Variants in ADAM10 observed in about 807,000 individuals in gnomAD.
ADAM10 encodes the protein ADAM metallopeptidase domain 10.
ADAM10 carries 17 observed loss-of-function variants against 90.1 expected under a neutral mutation model. The ratio of observed to expected loss-of-function variants is 0.19; its 90% CI spans 0.13 to 0.28. The LOEUF is 0.28. ADAM10 is among the 10% of genes least tolerant of loss of function. The pLI is 1.00. For synonymous variants in ADAM10, 310 were observed against 298.6 expected (o/e 1.04, Z -0.40); for missense variants, 610 against 914.3 (o/e 0.67, Z 4.29).
chr15:58,685,676 A>C (rs1209083866), intron 2 of ADAM10, among the ~76,000 whole-genome samples: 4 of 151,212 alleles, frequency 2.6e-5, no homozygotes, highest in African/African-American at 9.7e-5. Context: ...ACAGATACAC[A>C]ATAAACTAGT....
intron 11 of ADAM10, among the ~76,000 whole-genome samples, chr15:58,616,162 T>G (rs1895608420): frequency 6.6e-6 from 1 of 152,084 alleles, no homozygotes. Context: ...AAGAGAGAGA[T>G]CAACTCCAAT....
At chr15:58,603,307 C>T (rs12591291) in intron 14 of ADAM10, among the ~76,000 whole-genome samples, 35,572 of 151,934 alleles carry the variant, frequency 0.23, 5,072 homozygotes, top group East Asian at 0.4. Flanking sequence ...AAGCAGTACA[C>T]GACCATTTTG....
intron 14 of ADAM10, among the ~76,000 whole-genome samples, chr15:58,604,689 T>C (rs1468916814): frequency 3.9e-5 from 6 of 152,186 alleles, no homozygotes; most frequent in African/African-American, 9.7e-5. Context: ...ACAACAGAGA[T>C]AGGACAGTAA....
intron 1 of ADAM10, among the ~76,000 whole-genome samples, chr15:58,719,008 T>C (rs1898756307): frequency 6.6e-6 from 1 of 152,212 alleles, no homozygotes; most frequent in East Asian, 1.9e-4. Flanking sequence ...GGTCCTTCAC[T>C]ACCTGATGAC....
chr15:58,663,598 G>T (rs1312811002), intron 5 of ADAM10, among the ~76,000 whole-genome samples: 1 of 152,052 alleles, frequency 6.6e-6, no homozygotes. Context: ...GAATAAGCCT[G>T]TTGTAATGTG....
At chr15:58,728,943 A>G (rs1595662578) in intron 1 of ADAM10, among the ~76,000 whole-genome samples, 1 of 152,236 alleles carries the variant, frequency 6.6e-6, no homozygotes, top group African/African-American at 2.4e-5. Flanking sequence ...CACAGGTCTT[A>G]AAAGAACATT....
intron 2 of ADAM10, among the ~76,000 whole-genome samples, chr15:58,712,468 G>A (rs1234240482): frequency 7.0e-6 from 1 of 141,908 alleles, no homozygotes; most frequent in Non-Finnish European, 1.5e-5. Flanking sequence ...GAGTTTCAGT[G>A]AAATAAGATC....
Position 58,673,384 on chromosome 15 carries a change from T to C in ADAM10, c.484+5740A>G, listed in dbSNP as rs16940675. 3.3e-3 allele frequency among the ~76,000 whole-genome samples: 474 copies of C among 145,350 alleles called. 6 individuals are homozygous for C. The highest frequency in any genetic ancestry group is 0.012 in the African/African-American group (443 of 37,556). The stretch of plus-strand genomic sequence containing the variant: ...CTCTTAACTGAATACCACTCTGTAA[T>C]TGCCAAAAAAAAAAAAAAAAGCTGC... On this transcript the variant is annotated intron_variant, in intron 4 of 15. Coordinates refer to ENST00000260408, the MANE Select transcript of ADAM10 (RefSeq NM_001110.4).
intron 11 of ADAM10, among the ~76,000 whole-genome samples, chr15:58,616,913 C>T (rs1895631287): frequency 1.3e-5 from 2 of 151,720 alleles, no homozygotes; most frequent in Admixed American, 1.3e-4. Flanking sequence ...TTGAGACCAT[C>T]CTGGCTAACA....
chr15:58,619,842 T>G (rs536407002), intron 11 of ADAM10, among the ~76,000 whole-genome samples: 1 of 151,898 alleles, frequency 6.6e-6, no homozygotes, highest in African/African-American at 2.4e-5. Context: ...AGGCGGAGCT[T>G]GTAGTGAGCA....
chr15:58,676,427 G>GCTA (rs1198364034), intron 4 of ADAM10: 1 of 327,764 alleles, frequency 3.1e-6, no homozygotes, highest in Admixed American at 3.7e-5. Context: ...TACTACTGCT[G>GCTA]CTACTACTAC....
At chr15:58,736,152 C>G (rs1466870711) in intron 1 of ADAM10, among the ~76,000 whole-genome samples, 1 of 152,114 alleles carries the variant, frequency 6.6e-6, no homozygotes, top group Non-Finnish European at 1.5e-5. Context: ...AACATCTTCA[C>G]CAGAAGAGGC....
chr15:58,685,442 G>A (rs1457076270), intron 2 of ADAM10, among the ~76,000 whole-genome samples: 3 of 150,264 alleles, frequency 2.0e-5, no homozygotes, highest in Admixed American at 6.6e-5. Context: ...CAGCCTAGGT[G>A]ACAGAACAAC....
rs1897783235 is a variant in ADAM10, at chr15:58,691,349, G to A, written c.207-9035C>T. On this transcript the variant is annotated intron_variant, in intron 2 of 15. Coordinates refer to ENST00000260408, the MANE Select transcript of ADAM10 (RefSeq NM_001110.4). ...GCTGCTGCACACAGTACTCATCAAT[G>A]GGCTCACTCATATATATTACCTCGA... 4.9e-6 allele frequency: 5 copies of A among 1,024,204 alleles called. No homozygotes were observed. In the East Asian group the frequency reaches 1.2e-4, roughly 25 times the overall value. 63.4% of individuals were successfully genotyped at this position (1,024,204 alleles called of 1,614,324 possible).
chr15:58,716,095 A>C (rs888654033), intron 2 of ADAM10, among the ~76,000 whole-genome samples: 1 of 152,138 alleles, frequency 6.6e-6, no homozygotes, highest in South Asian at 2.1e-4. Flanking sequence ...CTTAAAAGTA[A>C]TTTTTTCAAC....
At chr15:58,716,849 G>A (rs1898677200) in intron 2 of ADAM10, among the ~76,000 whole-genome samples, 1 of 151,936 alleles carries the variant, frequency 6.6e-6, no homozygotes, top group Non-Finnish European at 1.5e-5. Context: ...ATAAGACAGA[G>A]AGGGCTTCAC....
chr15:58,692,367 TTCCCGATCAGTGTATTTC>T, intron 2 of ADAM10: 1 of 599,748 alleles, frequency 1.7e-6, no homozygotes, highest in Non-Finnish European at 3.3e-6. Flanking sequence ...GGTTTAGTTC[TTCCCGATCAGTGTATTTC>T]TCCTTGATCT....
intron 1 of ADAM10, among the ~76,000 whole-genome samples, chr15:58,719,868 TG>T (rs1465950498): frequency 6.6e-6 from 1 of 152,216 alleles, no homozygotes; most frequent in Non-Finnish European, 1.5e-5. Flanking sequence ...ACAGATTAAA[TG>T]ATTTAAACCA....
In ADAM10 at chr15:58,649,701, C is replaced by T. The variant is rs575689827; in HGVS notation, c.586-3497G>A. 5.9e-5 allele frequency among the ~76,000 whole-genome samples: 9 copies of T among 152,220 alleles called. No homozygotes were observed. The South Asian group carries it at 8.3e-4, about 14-fold the overall frequency. ...TAAGAGTGATTAAACTTTTTCTCAC[C>T]GGCTGCTTTTAAGATTATATCTTTG... is the stretch of plus-strand genomic sequence containing the variant. On this transcript the variant is annotated intron_variant, in intron 5 of 15. Transcript: ENST00000260408.
Sources: gnomAD v4.1 joint callset for allele counts (sites outside exome capture counted in the v4.1 genomes callset) on GRCh38, gnomAD v4.1.1 for gene constraint, MANE v1.5 for transcripts, NCBI Gene and HGNC (gene_info 2026-07-23, HGNC 2026-07-21) for gene names.